PXT1: variants seen among roughly 807,000 people sequenced by gnomAD.
The protein encoded by PXT1 is peroxisomal testis-specific protein 1.
In PXT1, 11 loss-of-function variants were observed where a neutral mutation model predicts 11.0. The observed-to-expected ratio is 1.00, with a 90% CI of 0.63 to 1.66. The LOEUF (loss-of-function observed/expected upper bound fraction) is 1.66. Among genes scored for constraint, PXT1 ranks in the 40% most tolerant of loss-of-function variants. The pLI is 0.00. For synonymous variants in PXT1, 43 were observed against 51.4 expected (o/e 0.84, Z 0.70); for missense variants, 141 against 155.5 (o/e 0.91, Z 0.49).
intron 2 of PXT1, among the ~76,000 whole-genome samples, chr6:36,435,492 T>A (rs957977224): frequency 3.9e-5 from 6 of 151,920 alleles, no homozygotes; most frequent in Admixed American, 1.3e-4. Context: ...AGCCCAGGAG[T>A]TCCAGGCCGC....
At chr6:36,413,716 G>A (rs1774408371) in intron 3 of PXT1, among the ~76,000 whole-genome samples, 1 of 152,186 alleles carries the variant, frequency 6.6e-6, no homozygotes, top group Admixed American at 6.5e-5. Flanking sequence ...GAGAGGCGGG[G>A]CCAGGCACAG....
intron 2 of PXT1, among the ~76,000 whole-genome samples, chr6:36,433,418 GA>G (rs142236443): frequency 0.014 from 2,083 of 152,174 alleles, 44 homozygotes; most frequent in African/African-American, 0.045. Context: ...TATAATTCAG[GA>G]AAAGTCATGA....
At chr6:36,415,925 G>A (rs990574467) in intron 3 of PXT1, among the ~76,000 whole-genome samples, 44 of 152,228 alleles carry the variant, frequency 2.9e-4, no homozygotes, top group African/African-American at 1.0e-3. Context: ...AGAAGTGAGA[G>A]GAAGATTCAG....
At chr6:36,441,222 A>C (rs1316256785) in intron 1 of PXT1, among the ~76,000 whole-genome samples, 1 of 151,734 alleles carries the variant, frequency 6.6e-6, no homozygotes, top group Non-Finnish European at 1.5e-5. Context: ...AAGGTTTTTT[A>C]TTTTTCTTTG....
At chr6:36,411,321 C>G (rs1476469582) in intron 3 of PXT1, among the ~76,000 whole-genome samples, 15 of 152,128 alleles carry the variant, frequency 9.9e-5, no homozygotes, top group African/African-American at 3.6e-4. Flanking sequence ...CATGGTGGTG[C>G]ACACCTGTAA....
chr6:36,424,899 G>A (rs1280739913), intron 3 of PXT1, among the ~76,000 whole-genome samples: 1 of 151,962 alleles, frequency 6.6e-6, no homozygotes, highest in South Asian at 2.1e-4. Flanking sequence ...CAACCTGGGC[G>A]ACAAAGTGAG....
chr6:36,392,586 G>A (rs1774085292), intron 4 of PXT1, among the ~76,000 whole-genome samples: 1 of 152,124 alleles, frequency 6.6e-6, no homozygotes, highest in African/African-American at 2.4e-5. Context: ...ACCTGAGCCT[G>A]GGAAGTTGAG....
intron 3 of PXT1, among the ~76,000 whole-genome samples, chr6:36,412,436 C>A (rs946650247): frequency 6.7e-6 from 1 of 149,716 alleles, no homozygotes; most frequent in Non-Finnish European, 1.5e-5. Flanking sequence ...CCGAGGTGGG[C>A]GGATCACGAG....
intron 3 of PXT1, among the ~76,000 whole-genome samples, chr6:36,412,940 A>G (rs1420283229): frequency 2.6e-5 from 4 of 152,118 alleles, no homozygotes; most frequent in African/African-American, 9.7e-5. Context: ...ATGTTAAGTC[A>G]AGGAAATCTC....
intron 3 of PXT1, among the ~76,000 whole-genome samples, chr6:36,417,026 T>G (rs1259075006): frequency 6.6e-6 from 1 of 152,160 alleles, no homozygotes; most frequent in Non-Finnish European, 1.5e-5. Flanking sequence ...TATTTAAGTT[T>G]ATGAAGACAA....
chr6:36,412,212 C>T lies in PXT1; in HGVS notation c.170-11628G>A, dbSNP rs969178113. On this transcript the variant is annotated intron_variant, in intron 3 of 4. Transcript: ENST00000454782. ...ACCAAAAACACAAAAATTAGCCAGGCGTGGTGGCGTGCACCTGTAATCCCA... is the reference window on the plus strand; with the variant it reads ...ACCAAAAACACAAAAATTAGCCAGGTGTGGTGGCGTGCACCTGTAATCCCA... Among the ~76,000 whole-genome samples the T allele has an allele frequency of 4.0e-5, 6 of 151,300 alleles. No individual in the cohort carries two copies. In the South Asian group the frequency reaches 6.3e-4, roughly 16 times the overall value.
rs542517364 is a variant in PXT1, at chr6:36,411,393, A to G, written c.170-10809T>C. Reference sequence around the variant, plus strand: ...TTGAACCCAGGAGGTGGAGGTTGCAATGAGCTGAGATCCCGCCACTGCACT... The same window carrying G: ...TTGAACCCAGGAGGTGGAGGTTGCAGTGAGCTGAGATCCCGCCACTGCACT... On this transcript the variant is annotated intron_variant, in intron 3 of 4. Transcript: ENST00000454782. Among the ~76,000 whole-genome samples the G allele has an allele frequency of 4.2e-3, 642 of 152,218 alleles. 4 individuals carry two copies. The highest frequency in any genetic ancestry group is 0.014 in the African/African-American group (598 of 41,538).
chr6:36,431,593 C>T (rs764526159), intron 2 of PXT1, among the ~76,000 whole-genome samples: 33 of 152,004 alleles, frequency 2.2e-4, no homozygotes, highest in African/African-American at 3.1e-4. Context: ...GTGATGAAAC[C>T]GTGTCTCTAC....
chr6:36,427,250 C>T (rs576971135), intron 2 of PXT1, among the ~76,000 whole-genome samples: 1 of 152,276 alleles, frequency 6.6e-6, no homozygotes, highest in Admixed American at 6.5e-5. Context: ...ATCTGCCCTC[C>T]TCAGCCTCCC....
intron 2 of PXT1, among the ~76,000 whole-genome samples, chr6:36,433,097 C>T (rs1016974657): frequency 3.3e-5 from 5 of 152,108 alleles, no homozygotes; most frequent in Non-Finnish European, 5.9e-5. Context: ...CAAAAATCAT[C>T]GGATACTAGA....
chr6:36,405,170 G>C (rs1044835153), intron 3 of PXT1, among the ~76,000 whole-genome samples: 5 of 151,906 alleles, frequency 3.3e-5, no homozygotes, highest in Non-Finnish European at 5.9e-5. Flanking sequence ...TTGTGTCTCC[G>C]TTTTTAACAA....
intron 4 of PXT1, chr6:36,393,075 G>A (rs1377172036): frequency 1.3e-5 from 2 of 152,176 alleles, no homozygotes; most frequent in East Asian, 3.9e-4. Context: ...AGGTTCAAGT[G>A]ATTCTCCTGC....
At chr6:36,412,245 G>A (rs577104428) in intron 3 of PXT1, among the ~76,000 whole-genome samples, 226 of 151,960 alleles carry the variant, frequency 1.5e-3, no homozygotes, top group South Asian at 3.7e-3. Context: ...CCAGCTACTC[G>A]GGAAGCTGAG....
intron 4 of PXT1, among the ~76,000 whole-genome samples, chr6:36,394,744 A>T (rs1177271586): frequency 2.7e-5 from 4 of 150,658 alleles, no homozygotes; most frequent in Non-Finnish European, 5.9e-5. Flanking sequence ...AACTGAATTA[A>T]AAAAAAAAGC....
Sources: allele counts gnomAD v4.1 joint callset (sites outside exome capture counted in the v4.1 genomes callset), GRCh38; gene constraint gnomAD v4.1.1; transcripts MANE v1.5; gene names NCBI Gene and HGNC (gene_info 2026-07-23, HGNC 2026-07-21).